Variants in WDR41 observed in about 807,000 individuals in gnomAD.
WDR41 encodes WD repeat domain 41.
WDR41 carries 63 observed loss-of-function variants against 69.3 expected under a neutral mutation model. The ratio of observed to expected loss-of-function variants is 0.91; its 90% confidence interval spans 0.74 to 1.12. The LOEUF (loss-of-function observed/expected upper bound fraction) is 1.12, where lower values mean the gene tolerates loss of function less well. Among genes scored for constraint, WDR41 ranks in the 50% most tolerant of loss-of-function variants. The probability of loss-of-function intolerance (pLI) is 0.00; values close to 1 mark genes in which losing one functional copy is unlikely to be tolerated. For missense variants in WDR41, 543 were observed against 534.5 expected, an observed-to-expected ratio of 1.02 and a Z score of -0.16; for synonymous variants, 185 against 192.1, an observed-to-expected ratio of 0.96 and a Z score of 0.31.
At chr5:77,508,144 G>A (rs1802140637) in intron 1 of WDR41, among the ~76,000 whole-genome samples, 1 of 151,398 alleles carries the variant, frequency 6.6e-6, no homozygotes, top group Admixed American at 6.6e-5. Context: ...TTTGGAGACA[G>A]GGTGTTACTC....
chr5:77,456,506 G>C (rs1372907313), intron 5 of WDR41, among the ~76,000 whole-genome samples: 2 of 152,124 alleles, frequency 1.3e-5, no homozygotes, highest in Non-Finnish European at 2.9e-5. Flanking sequence ...ATATACACAA[G>C]ATCATGTTAT....
At chr5:77,564,952 C>G (rs143790505) in intron 1 of WDR41, among the ~76,000 whole-genome samples, 4 of 152,108 alleles carry the variant, frequency 2.6e-5, no homozygotes, top group African/African-American at 9.7e-5. Flanking sequence ...TTTCTTTTCT[C>G]TCTTTAATGT....
chr5:77,434,058 G>T (rs1040352895), intron 12 of WDR41, among the ~76,000 whole-genome samples: 1 of 152,168 alleles, frequency 6.6e-6, no homozygotes, highest in Non-Finnish European at 1.5e-5. Context: ...GGCCGGGCGT[G>T]GTGGCTCACA....
At chr5:77,438,429 GC>G in intron 9 of WDR41, 68 bp from the exon 10 acceptor site, 3 of 1,578,568 alleles carry the variant, frequency 1.9e-6, no homozygotes, top group Non-Finnish European at 2.6e-6. Context: ...TGGATTTCCA[GC>G]CCTCATGTGA....
At chr5:77,504,862 A>G (rs1310131540) in intron 1 of WDR41, among the ~76,000 whole-genome samples, 1 of 152,230 alleles carries the variant, frequency 6.6e-6, no homozygotes, top group Non-Finnish European at 1.5e-5. Flanking sequence ...CTAGGTATCG[A>G]TGGAACGTAT....
chr5:77,528,384 T>C (rs1802479066), intron 1 of WDR41, among the ~76,000 whole-genome samples: 1 of 151,744 alleles, frequency 6.6e-6, no homozygotes, highest in Non-Finnish European at 1.5e-5. Flanking sequence ...CATTAACTAT[T>C]AAAAGAACAT....
At chr5:77,485,872 T>C (rs1167578160) in intron 2 of WDR41, among the ~76,000 whole-genome samples, 1 of 151,492 alleles carries the variant, frequency 6.6e-6, no homozygotes, top group Non-Finnish European at 1.5e-5. Context: ...AACAAGAAAA[T>C]CCTTCTGCAA....
chr5:77,508,839 C>T (rs1351216005), intron 1 of WDR41, among the ~76,000 whole-genome samples: 1 of 152,138 alleles, frequency 6.6e-6, no homozygotes, highest in Non-Finnish European at 1.5e-5. Context: ...TCACAGTGTG[C>T]ATCCTTAGGC....
At chr5:77,521,711 C>T (rs79285894) in intron 1 of WDR41, among the ~76,000 whole-genome samples, 1,631 of 152,284 alleles carry the variant, frequency 0.011, 32 homozygotes, top group African/African-American at 0.037. Flanking sequence ...TTTTTACAGT[C>T]TTGACTGATC....
chr5:77,469,737 G>A (rs992700907), intron 2 of WDR41, among the ~76,000 whole-genome samples: 1 of 93,718 alleles, frequency 1.1e-5, no homozygotes, highest in Non-Finnish European at 1.9e-5. Context: ...GAGAAAAAAA[G>A]GATAAAAAGA....
intron 1 of WDR41, among the ~76,000 whole-genome samples, chr5:77,594,943 C>T (rs184601434): frequency 1.1e-4 from 17 of 152,232 alleles, no homozygotes; most frequent in East Asian, 7.7e-4. Flanking sequence ...ATAAAGAAGA[C>T]GTCTGTGGTT....
At chr5:77,461,049 T>C (rs1308516668) in intron 4 of WDR41, among the ~76,000 whole-genome samples, 2 of 152,332 alleles carry the variant, frequency 1.3e-5, no homozygotes, top group Middle Eastern at 3.4e-3. Context: ...AGTGACACTG[T>C]ACCAGCTACT....
chr5:77,595,299 T>C (rs1404102983), intron 1 of WDR41, among the ~76,000 whole-genome samples: 1 of 152,188 alleles, frequency 6.6e-6, no homozygotes, highest in Non-Finnish European at 1.5e-5. Context: ...TTTATGAATA[T>C]GGGGGAGAGT....
chr5:77,452,504 T>C (rs1485112550), intron 6 of WDR41: 1 of 152,220 alleles, frequency 6.6e-6, no homozygotes, highest in Non-Finnish European at 1.5e-5. Flanking sequence ...TAAGATTGTC[T>C]TTGCTTATTT....
At chr5:77,539,444 C>T (rs1743048831) in intron 1 of WDR41, among the ~76,000 whole-genome samples, 2 of 152,038 alleles carry the variant, frequency 1.3e-5, no homozygotes, top group South Asian at 4.2e-4. Flanking sequence ...TTCAGTAGGT[C>T]TGGGGTGGAG....
At position 77,461,299 on chromosome 5, in the gene WDR41, G is replaced by A. The variant is rs117303205; in HGVS notation, c.348+1796C>T. 8.6e-4 allele frequency among the ~76,000 whole-genome samples: 131 copies of A among 152,210 alleles called. 1 individual carries two copies. In the East Asian group the frequency reaches 0.023, roughly 27 times the overall value. On this transcript the variant is annotated intron_variant, in intron 4 of 12. Transcript: ENST00000296679. ...ATCACACACAAACATACATATATGT[G>A]TGTATGTATATATGTATGTATGTAT...
chr5:77,566,191 T>C (rs1743623747), intron 1 of WDR41, among the ~76,000 whole-genome samples: 1 of 152,112 alleles, frequency 6.6e-6, no homozygotes. Flanking sequence ...GCTTATTGTC[T>C]TAGCTAACAC....
At chr5:77,464,273 AC>A (rs1561745725) in intron 3 of WDR41, among the ~76,000 whole-genome samples, 2 of 95,506 alleles carry the variant, frequency 2.1e-5, no homozygotes, top group Non-Finnish European at 2.1e-5. Context: ...TTAGGAAAAA[AC>A]TTTTTTTTTT....
At chr5:77,454,005 C>G in intron 5 of WDR41, 77 bp from the exon 6 acceptor site, 1 of 1,150,450 alleles carries the variant, frequency 8.7e-7, no homozygotes. Context: ...AATATATCCA[C>G]AAGTTCTTTA....
Sources: allele counts gnomAD v4.1 joint callset (sites outside exome capture counted in the v4.1 genomes callset), GRCh38; gene constraint gnomAD v4.1.1; transcripts MANE v1.5; gene names NCBI Gene and HGNC (gene_info 2026-07-23, HGNC 2026-07-21).